MCPH1: variants seen among roughly 807,000 people sequenced by gnomAD.
MCPH1 encodes microcephalin.
A neutral mutation model predicts 84.5 loss-of-function variants in MCPH1; 104 were observed. That is an observed-to-expected ratio of 1.23 (90% CI 1.05 to 1.45). The LOEUF (loss-of-function observed/expected upper bound fraction) is 1.45. Among genes scored for constraint, MCPH1 ranks in the 40% most tolerant of loss-of-function variants. The pLI is 0.00. For missense variants in MCPH1, 1,498 were observed against 1,005.7 expected (o/e 1.49, Z -6.62); for synonymous variants, 514 against 366.8 (o/e 1.40, Z -4.58).
intron 12 of MCPH1, among the ~76,000 whole-genome samples, chr8:6,556,942 C>T (rs1824718826): frequency 6.6e-6 from 1 of 152,138 alleles, no homozygotes; most frequent in African/African-American, 2.4e-5. Flanking sequence ...ACCAACACTG[C>T]CTGGACATGT....
Position 6,472,072 on chromosome 8 carries a change from C to T in MCPH1, c.1936-5522C>T, listed in dbSNP as rs182927809. ...TTCTAGATACAGCATCTAGAAACAC[C>T]ATAATTAACCTTATTTTAAAAGAAC... On this transcript the variant is annotated intron_variant, in intron 9 of 13. Coordinates refer to ENST00000344683, the MANE Select transcript of MCPH1 (RefSeq NM_024596.5). Among the ~76,000 whole-genome samples the T allele has an allele frequency of 1.1e-3, 163 of 152,182 alleles. 1 individual carries two copies. The highest frequency in any genetic ancestry group is 3.8e-3 in the African/African-American group (158 of 41,540).
intron 11 of MCPH1, among the ~76,000 whole-genome samples, chr8:6,496,266 A>G (rs568476950): frequency 2.0e-5 from 3 of 152,236 alleles, no homozygotes; most frequent in East Asian, 1.9e-4. Flanking sequence ...ACAGTTCACA[A>G]TAGGGTTCGC....
At chr8:6,420,379 A>G (rs556859519) in intron 3 of MCPH1, among the ~76,000 whole-genome samples, 73 of 151,878 alleles carry the variant, frequency 4.8e-4, no homozygotes, top group African/African-American at 1.7e-3. Context: ...ATTCTCCCCG[A>G]CTTTCTGCAT....
intron 13 of MCPH1, chr8:6,627,088 T>G (rs1796784724): frequency 2.0e-6 from 2 of 985,414 alleles, no homozygotes; most frequent in African/African-American, 1.7e-5. Context: ...AAAGATCCGA[T>G]AGCATGCAGG....
At chr8:6,523,512 G>A (rs756926092) in intron 12 of MCPH1, among the ~76,000 whole-genome samples, 1 of 152,202 alleles carries the variant, frequency 6.6e-6, no homozygotes, top group Non-Finnish European at 1.5e-5. Flanking sequence ...TAGAGACTAT[G>A]TATTTGAGAA....
At chr8:6,422,791 C>T (rs1183085053) in intron 3 of MCPH1, among the ~76,000 whole-genome samples, 1 of 152,094 alleles carries the variant, frequency 6.6e-6, no homozygotes, top group Non-Finnish European at 1.5e-5. Flanking sequence ...TGGGTTCATG[C>T]CATTCTCCTG....
intron 13 of MCPH1, among the ~76,000 whole-genome samples, chr8:6,641,060 A>T (rs1397615389): frequency 3.9e-5 from 6 of 152,118 alleles, no homozygotes. Flanking sequence ...ATTTTTTCTC[A>T]TCATTTCTCT....
chr8:6,429,187 G>C (rs934223858), intron 3 of MCPH1, among the ~76,000 whole-genome samples: 1 of 152,192 alleles, frequency 6.6e-6, no homozygotes, highest in Non-Finnish European at 1.5e-5. Flanking sequence ...GAATCTCAGA[G>C]TGAACCATGA....
At chr8:6,432,168 C>A (rs1169924947) in intron 4 of MCPH1, among the ~76,000 whole-genome samples, 1 of 152,214 alleles carries the variant, frequency 6.6e-6, no homozygotes, top group African/African-American at 2.4e-5. Flanking sequence ...CAGGGTCTTT[C>A]TATGTTGCCC....
At chr8:6,639,444 T>G (rs1797780081) in intron 13 of MCPH1, among the ~76,000 whole-genome samples, 1 of 152,194 alleles carries the variant, frequency 6.6e-6, no homozygotes, top group African/African-American at 2.4e-5. Context: ...GTGGACTGCT[T>G]GATGCCGGGA....
chr8:6,435,342 G>A (rs1365479499), intron 4 of MCPH1, among the ~76,000 whole-genome samples: 1 of 152,176 alleles, frequency 6.6e-6, no homozygotes, highest in Non-Finnish European at 1.5e-5. Flanking sequence ...AGAAAAGAAA[G>A]GCTTTATTGC....
At chr8:6,430,907 A>G (rs963922513) in intron 3 of MCPH1, among the ~76,000 whole-genome samples, 3 of 152,206 alleles carry the variant, frequency 2.0e-5, no homozygotes, top group African/African-American at 7.2e-5. Flanking sequence ...ACAGAATGCT[A>G]AGAAGGAGAT....
At chr8:6,593,081 G>GTTTT (rs377256909) in intron 12 of MCPH1, among the ~76,000 whole-genome samples, 6 of 121,730 alleles carry the variant, frequency 4.9e-5, no homozygotes, top group South Asian at 2.9e-4. Flanking sequence ...TTAGGGTGTG[G>GTTTT]TTTTTTTTTT....
At chr8:6,637,888 A>C (rs960285095) in intron 13 of MCPH1, among the ~76,000 whole-genome samples, 1 of 152,174 alleles carries the variant, frequency 6.6e-6, no homozygotes, top group Admixed American at 6.5e-5. Flanking sequence ...CATATTTTAA[A>C]TATACATTTC....
At chr8:6,500,136 G>A in intron 12 of MCPH1, 3 of 566,384 alleles carry the variant, frequency 5.3e-6, no homozygotes, top group South Asian at 2.0e-5. Context: ...AAAGTAGTGA[G>A]GAATGCAGTC....
At chr8:6,474,054 A>C (rs866134511) in intron 9 of MCPH1, 1 of 808,786 alleles carries the variant, frequency 1.2e-6, no homozygotes, top group African/African-American at 1.7e-5. Context: ...AGTATTTCGT[A>C]CAATATGTTG....
intron 9 of MCPH1, among the ~76,000 whole-genome samples, chr8:6,473,382 G>C (rs892445832): frequency 4.8e-5 from 6 of 125,236 alleles, no homozygotes; most frequent in East Asian, 2.6e-4. Flanking sequence ...CCAGGCTGGA[G>C]TGCAGTGGCA....
intron 12 of MCPH1, among the ~76,000 whole-genome samples, chr8:6,528,096 C>T (rs560173669): frequency 5.5e-4 from 83 of 152,198 alleles, no homozygotes; most frequent in Non-Finnish European, 8.2e-4. Context: ...GGGGTTTCAC[C>T]ATGTTGGCCA....
At chr8:6,472,129 A>G (rs1807801082) in intron 9 of MCPH1, among the ~76,000 whole-genome samples, 1 of 152,214 alleles carries the variant, frequency 6.6e-6, no homozygotes, top group Non-Finnish European at 1.5e-5. Flanking sequence ...ATAAAAATGG[A>G]AGAACATAAT....
Sources: gnomAD v4.1 joint callset for allele counts (sites outside exome capture counted in the v4.1 genomes callset) on GRCh38, gnomAD v4.1.1 for gene constraint, MANE v1.5 for transcripts, NCBI Gene and HGNC (gene_info 2026-07-23, HGNC 2026-07-21) for gene names.